SCHIP1: variants seen among roughly 807,000 people sequenced by gnomAD.
SCHIP1 encodes the protein schwannomin interacting protein 1, also known as schwannomin-interacting protein 1.
SCHIP1 carries 8 observed loss-of-function variants against 29.7 expected under a neutral mutation model. The ratio of observed to expected loss-of-function variants is 0.27; its 90% CI spans 0.16 to 0.49. SCHIP1 has a LOEUF of 0.49. Ranked by LOEUF, SCHIP1 falls within the 20% of genes least tolerant of loss-of-function variation. The pLI, the probability that SCHIP1 is intolerant of heterozygous loss-of-function variation, is 0.99. For synonymous variants in SCHIP1, 76 were observed against 94.9 expected (o/e 0.80, Z 1.16); for missense variants, 193 against 294.6 (o/e 0.66, Z 2.52).
the SCHIP1 span, among the ~76,000 whole-genome samples, chr3:159,539,073 G>A: frequency 6.6e-6 from 1 of 151,976 alleles, no homozygotes; most frequent in Non-Finnish European, 1.5e-5. Context: ...ATAGCCTTGG[G>A]TTCAGGCTTT....
the SCHIP1 span, among the ~76,000 whole-genome samples, chr3:159,514,258 A>T: frequency 6.6e-6 from 1 of 152,358 alleles, no homozygotes; most frequent in African/African-American, 2.4e-5. Flanking sequence ...CATGCAAAAA[A>T]AATCAACTGA....
At chr3:159,810,914 A>G in the SCHIP1 span, among the ~76,000 whole-genome samples, 2 of 152,256 alleles carry the variant, frequency 1.3e-5, no homozygotes, top group African/African-American at 2.4e-5. Context: ...ACTATCTTAT[A>G]TTCCCATCGG....
chr3:159,772,343 C>T, the SCHIP1 span, among the ~76,000 whole-genome samples: 2 of 152,184 alleles, frequency 1.3e-5, no homozygotes, highest in African/African-American at 4.8e-5. Flanking sequence ...GGGGTTTCTC[C>T]ATGTTGGCCA....
At chr3:159,743,760 G>A in the SCHIP1 span, among the ~76,000 whole-genome samples, 7 of 152,206 alleles carry the variant, frequency 4.6e-5, no homozygotes, top group East Asian at 5.8e-4. Context: ...TGACTGTGTC[G>A]ATGTCAGTAC....
At chr3:159,347,620 G>A in the SCHIP1 span, among the ~76,000 whole-genome samples, 3 of 152,162 alleles carry the variant, frequency 2.0e-5, no homozygotes, top group Non-Finnish European at 2.9e-5. Context: ...TAGTGGCATT[G>A]ATGTCTTAAA....
chr3:159,565,292 C>T, the SCHIP1 span, among the ~76,000 whole-genome samples: 1 of 152,180 alleles, frequency 6.6e-6, no homozygotes, highest in Non-Finnish European at 1.5e-5. Context: ...ACATGATGTG[C>T]TCATAATCAG....
the SCHIP1 span, among the ~76,000 whole-genome samples, chr3:159,356,047 A>G: frequency 6.6e-6 from 1 of 152,098 alleles, no homozygotes; most frequent in African/African-American, 2.4e-5. Context: ...TCCCTGAGGT[A>G]TCACCACACT....
chr3:159,385,629 A>G, the SCHIP1 span, among the ~76,000 whole-genome samples: 2 of 151,882 alleles, frequency 1.3e-5, no homozygotes, highest in Non-Finnish European at 2.9e-5. Context: ...GCACTATCTA[A>G]TCCAGGCAAC....
the SCHIP1 span, among the ~76,000 whole-genome samples, chr3:159,679,011 C>T: frequency 6.6e-6 from 1 of 152,190 alleles, no homozygotes; most frequent in Non-Finnish European, 1.5e-5. Context: ...GACCCAGAGC[C>T]AAACCACATC....
chr3:159,489,529 A>G, the SCHIP1 span, among the ~76,000 whole-genome samples: 2 of 152,186 alleles, frequency 1.3e-5, no homozygotes, highest in Non-Finnish European at 2.9e-5. Flanking sequence ...AAAACAATAT[A>G]TGTCAATATT....
At chr3:159,749,827 A>G in the SCHIP1 span, among the ~76,000 whole-genome samples, 1 of 152,212 alleles carries the variant, frequency 6.6e-6, no homozygotes, top group Admixed American at 6.5e-5. Context: ...TTCACATCCT[A>G]TTAAGCATCA....
the SCHIP1 span, among the ~76,000 whole-genome samples, chr3:159,457,019 T>C: frequency 6.6e-6 from 1 of 152,212 alleles, no homozygotes. Context: ...ACTATAATTA[T>C]AATTTGGAAT....
the SCHIP1 span, among the ~76,000 whole-genome samples, chr3:159,301,056 T>C: frequency 6.6e-6 from 1 of 152,192 alleles, no homozygotes. Context: ...CTAATAAAAT[T>C]AATAGCACAT....
chr3:159,789,907 A>G, the SCHIP1 span, among the ~76,000 whole-genome samples: 2 of 152,208 alleles, frequency 1.3e-5, no homozygotes, highest in Non-Finnish European at 2.9e-5. Flanking sequence ...TGGGAGGGGC[A>G]GTCCATCCTG....
the SCHIP1 span, among the ~76,000 whole-genome samples, chr3:159,719,235 A>C: frequency 6.6e-6 from 1 of 152,260 alleles, no homozygotes; most frequent in Non-Finnish European, 1.5e-5. Flanking sequence ...AATTAATTCA[A>C]GATGGATTAA....
chr3:159,425,079 G>A, the SCHIP1 span, among the ~76,000 whole-genome samples: 1 of 151,716 alleles, frequency 6.6e-6, no homozygotes, highest in Non-Finnish European at 1.5e-5. Flanking sequence ...ACCAGCCGCT[G>A]CAAAATCATG....
At chr3:159,773,516 T>A in the SCHIP1 span, among the ~76,000 whole-genome samples, 1 of 143,882 alleles carries the variant, frequency 7.0e-6, no homozygotes, top group Non-Finnish European at 1.5e-5. Context: ...TGCCACCTTT[T>A]TAAATTGTTT....
chr3:159,637,681 A>C, the SCHIP1 span, among the ~76,000 whole-genome samples: 2 of 152,156 alleles, frequency 1.3e-5, no homozygotes, highest in African/African-American at 4.8e-5. Flanking sequence ...CCTTCTAGAA[A>C]AGTCATACAG....
chr3:159,596,206 C>T, the SCHIP1 span, among the ~76,000 whole-genome samples: 2 of 152,146 alleles, frequency 1.3e-5, no homozygotes, highest in Non-Finnish European at 2.9e-5. Flanking sequence ...AAATGCTCAC[C>T]ATCACTGGCC....
Sources: gnomAD v4.1 joint callset for allele counts (sites outside exome capture counted in the v4.1 genomes callset) on GRCh38, gnomAD v4.1.1 for gene constraint, MANE v1.5 for transcripts, NCBI Gene and HGNC (gene_info 2026-07-23, HGNC 2026-07-21) for gene names.